Variants in UGT1A5 observed in about 807,000 individuals in gnomAD.
The protein encoded by UGT1A5 is UDP-glucuronosyltransferase 1A5.
Under a neutral mutation model 40.3 loss-of-function variants are expected in UGT1A5, and 29 were observed. The ratio of observed to expected loss-of-function variants is 0.72; its 90% CI spans 0.54 to 0.98. The LOEUF is 0.98. Among genes scored for constraint, UGT1A5 ranks in the 50% least tolerant of loss-of-function variants. The pLI, the probability that UGT1A5 is intolerant of heterozygous loss-of-function variation, is 0.00. For missense variants in UGT1A5, 678 were observed against 677.9 expected (o/e 1.00, Z 0.00); for synonymous variants, 257 against 262.5 (o/e 0.98, Z 0.20).
chr2:233,738,821 A>G (rs1039985874), intron 1 of UGT1A5: 3 of 152,270 alleles, frequency 2.0e-5, no homozygotes, highest in African/African-American at 7.2e-5. Context: ...AATTTGAATA[A>G]ATAAGGAGGA....
intron 1 of UGT1A5, chr2:233,729,817 T>C: frequency 4.3e-6 from 7 of 1,613,956 alleles, no homozygotes; most frequent in Non-Finnish European, 5.9e-6. Flanking sequence ...TTCTGCTCCT[T>C]ATGCAAGCCT....
At chr2:233,753,889 A>G (rs1695337033) in intron 1 of UGT1A5, among the ~76,000 whole-genome samples, 1 of 152,212 alleles carries the variant, frequency 6.6e-6, no homozygotes, top group Non-Finnish European at 1.5e-5. Context: ...AGCCTTCAGA[A>G]GGAACATGCT....
intron 1 of UGT1A5, among the ~76,000 whole-genome samples, chr2:233,752,942 C>T (rs540473054): frequency 6.6e-6 from 1 of 152,310 alleles, no homozygotes; most frequent in South Asian, 2.1e-4. Context: ...CTTTGCTGAC[C>T]ACTGAACAAT....
In UGT1A5 at chr2:233,755,218, C is replaced by T. The variant is rs1203897935; in HGVS notation, c.868-11816C>T. 1.4e-5 allele frequency: 14 copies of T among 1,027,208 alleles called. No individual in the cohort carries two copies. In the South Asian group the frequency reaches 1.5e-4, roughly 11 times the overall value. 63.6% of individuals were successfully genotyped at this position (1,027,208 alleles called of 1,614,324 possible). ...AGCTTGCGGTACGCCTTCTTGATACCCTCGGACGAGGCCTACCGGGGTACT... is the reference window on the plus strand; with the variant it reads ...AGCTTGCGGTACGCCTTCTTGATACTCTCGGACGAGGCCTACCGGGGTACT... On this transcript the variant is annotated intron_variant, in intron 1 of 4. Transcript: ENST00000373414.
At chr2:233,715,989 A>G (rs1242596937) in intron 1 of UGT1A5, among the ~76,000 whole-genome samples, 1 of 152,116 alleles carries the variant, frequency 6.6e-6, no homozygotes, top group East Asian at 1.9e-4. Flanking sequence ...TTAAAACACA[A>G]CAAAACCCAA....
intron 1 of UGT1A5, chr2:233,754,643 CTCAA>C (rs886471187): frequency 6.7e-6 from 3 of 449,160 alleles, no homozygotes; most frequent in Non-Finnish European, 8.9e-6. Context: ...CTTGGCCATT[CTCAA>C]TGATTCTCTT....
chr2:233,760,910 A>G (rs1375729895), intron 1 of UGT1A5: 2 of 1,614,074 alleles, frequency 1.2e-6, no homozygotes, highest in Non-Finnish European at 1.7e-6. Context: ...ACCTTCCTGC[A>G]GCGGGTGAAG....
At chr2:233,729,184 C>T (rs1420145173) in intron 1 of UGT1A5, 1 of 1,613,974 alleles carries the variant, frequency 6.2e-7, no homozygotes, top group East Asian at 2.2e-5. Context: ...GCTGCTTCTC[C>T]TCAGTGTCCA....
At chr2:233,718,299 ACT>A (rs1382427566) in intron 1 of UGT1A5, among the ~76,000 whole-genome samples, 3 of 151,938 alleles carry the variant, frequency 2.0e-5, no homozygotes, top group Admixed American at 6.5e-5. Flanking sequence ...CAGCCTGAAC[ACT>A]CTCTGTTTAG....
At chr2:233,766,900 T>A (rs1336240432) in intron 1 of UGT1A5, 134 bp from the exon 2 acceptor site, 2 of 1,488,982 alleles carry the variant, frequency 1.3e-6, no homozygotes, top group Admixed American at 4.8e-5. Flanking sequence ...ATATTAATAA[T>A]TTTTTACTCT....
In UGT1A5 at chr2:233,769,625, A is replaced by G; in HGVS notation, c.1307+1186A>G. 1 of 1,612,274 alleles carries G rather than the reference A, an allele frequency of 6.2e-7. No homozygotes were observed. Among genetic ancestry groups the G allele is most frequent in the African/African-American group, 1.3e-5 (1 of 75,020 alleles). On this transcript the variant is annotated intron_variant, in intron 4 of 4. Coordinates refer to ENST00000373414, the MANE Select transcript of UGT1A5 (RefSeq NM_019078.2). The surrounding 1 kb of genome is among the most constrained non-coding windows in gnomAD (Gnocchi z 4.4). ...GGGGACACACCAGCTTGAGCAAGGGACAACAGGGGAGGACTGATGACTGAC... is the reference window on the plus strand; with the variant it reads ...GGGGACACACCAGCTTGAGCAAGGGGCAACAGGGGAGGACTGATGACTGAC...
intron 1 of UGT1A5, among the ~76,000 whole-genome samples, chr2:233,746,471 A>G (rs538596800): frequency 6.6e-6 from 1 of 151,696 alleles, no homozygotes; most frequent in Non-Finnish European, 1.5e-5. Context: ...GGGTTCCAGA[A>G]ACACTTTCCA....
chr2:233,726,380 C>G (rs534421761), intron 1 of UGT1A5, among the ~76,000 whole-genome samples: 22 of 152,296 alleles, frequency 1.4e-4, no homozygotes, highest in African/African-American at 4.1e-4. Flanking sequence ...ACCAAAATTG[C>G]TTCCATCTCA....
At chr2:233,748,322 T>C (rs905546123) in intron 1 of UGT1A5, among the ~76,000 whole-genome samples, 5 of 151,864 alleles carry the variant, frequency 3.3e-5, no homozygotes, top group African/African-American at 4.9e-5. Context: ...CTAGGACTGA[T>C]GTGACTCATG....
intron 1 of UGT1A5, among the ~76,000 whole-genome samples, chr2:233,739,223 T>C (rs1465216859): frequency 3.3e-5 from 5 of 152,316 alleles, no homozygotes; most frequent in African/African-American, 4.8e-5. Context: ...AGAGTCCTTA[T>C]AGAGAACCTC....
At chr2:233,741,718 G>C (rs530950175) in intron 1 of UGT1A5, 1 of 151,992 alleles carries the variant, frequency 6.6e-6, no homozygotes, top group South Asian at 2.1e-4. Flanking sequence ...GGGTTCTAGA[G>C]CATATCCAAA....
At chr2:233,733,152 T>G (rs1034530556) in intron 1 of UGT1A5, among the ~76,000 whole-genome samples, 15 of 152,252 alleles carry the variant, frequency 9.9e-5, no homozygotes, top group African/African-American at 3.4e-4. Context: ...TTTTGCACAT[T>G]GATTTTGTAT....
intron 1 of UGT1A5, among the ~76,000 whole-genome samples, chr2:233,745,386 T>C (rs765197385): frequency 3.3e-5 from 5 of 151,842 alleles, no homozygotes; most frequent in Non-Finnish European, 7.4e-5. Flanking sequence ...TTCACCTCCT[T>C]ATTCTCTTTT....
At chr2:233,754,750 A>G in intron 1 of UGT1A5, 1 of 810,338 alleles carries the variant, frequency 1.2e-6, no homozygotes, top group Non-Finnish European at 1.9e-6. Context: ...ATGCAGAAGG[A>G]AGAAAGGCCC....
Sources: gnomAD v4.1 joint callset for allele counts (sites outside exome capture counted in the v4.1 genomes callset) on GRCh38, gnomAD v4.1.1 for gene constraint, Gnocchi (gnomAD v3.1) non-coding constraint, MANE v1.5 for transcripts, NCBI Gene and HGNC (gene_info 2026-07-23, HGNC 2026-07-21) for gene names.